Variants in CACNA1E observed in about 807,000 individuals in gnomAD.
CACNA1E encodes the protein calcium voltage-gated channel subunit alpha1 E.
In CACNA1E, 40 loss-of-function variants were observed where a neutral mutation model predicts 259.2. That is an observed-to-expected ratio of 0.15 (90% CI 0.12 to 0.20). The LOEUF is 0.20. CACNA1E is among the 10% of genes least tolerant of loss of function. The pLI, the probability that CACNA1E is intolerant of heterozygous loss-of-function variation, is 1.00. For synonymous variants in CACNA1E, 1,104 were observed against 1,138.5 expected, an observed-to-expected ratio of 0.97 and a Z score of 0.61; for missense variants, 1,874 against 3,040.1, an observed-to-expected ratio of 0.62 and a Z score of 9.02.
intron 6 of CACNA1E, among the ~76,000 whole-genome samples, chr1:181,606,621 A>G (rs1010870899): frequency 6.6e-6 from 1 of 152,190 alleles, no homozygotes; most frequent in African/African-American, 2.4e-5. Flanking sequence ...CAAATGTCCT[A>G]TGTCACTTCC....
chr1:181,355,620 A>G (rs942268154), intron 1 of CACNA1E, among the ~76,000 whole-genome samples: 2 of 143,482 alleles, frequency 1.4e-5, no homozygotes, highest in African/African-American at 2.8e-5. Context: ...ACAAAACAAA[A>G]CAAAACAAAA....
chr1:181,361,884 C>G (rs1460028702), intron 1 of CACNA1E, among the ~76,000 whole-genome samples: 1 of 152,188 alleles, frequency 6.6e-6, no homozygotes, highest in African/African-American at 2.4e-5. Flanking sequence ...CCTCTCCAGT[C>G]TAGACATTAA....
intron 1 of CACNA1E, among the ~76,000 whole-genome samples, chr1:181,392,449 G>A (rs184179165): frequency 6.6e-6 from 1 of 152,266 alleles, no homozygotes; most frequent in Admixed American, 6.5e-5. Flanking sequence ...TAAGATCATA[G>A]TTTTGCCAAA....
In CACNA1E at chr1:181,694,630, G is replaced by A. The variant is rs150116183; in HGVS notation, c.1056-16324G>A. On this transcript the variant is annotated intron_variant, in intron 7 of 47. Coordinates refer to ENST00000367573, the MANE Select transcript of CACNA1E (RefSeq NM_001205293.3). Reference sequence around the variant, plus strand: ...AGAAGGCCCTTGCAAGATACAACCCGTTGATCTTGGACTTCTCAGCCACCA... The same window carrying A: ...AGAAGGCCCTTGCAAGATACAACCCATTGATCTTGGACTTCTCAGCCACCA... 5.1e-4 allele frequency among the ~76,000 whole-genome samples: 77 copies of A among 152,248 alleles called. 1 individual carries two copies. The South Asian group carries it at 7.5e-3, about 15-fold the overall frequency.
intron 35 of CACNA1E, among the ~76,000 whole-genome samples, chr1:181,768,647 T>C (rs1004647167): frequency 2.0e-5 from 3 of 152,236 alleles, no homozygotes; most frequent in Non-Finnish European, 2.9e-5. Flanking sequence ...ACAATAACTG[T>C]ATGGTCTAAC....
At chr1:181,341,626 G>A (rs1652160626) in intron 1 of CACNA1E, among the ~76,000 whole-genome samples, 1 of 152,124 alleles carries the variant, frequency 6.6e-6, no homozygotes, top group Non-Finnish European at 1.5e-5. Flanking sequence ...AGCCCTGCAT[G>A]GGCCCAACAT....
chr1:181,682,752 G>A (rs984311794), intron 7 of CACNA1E, among the ~76,000 whole-genome samples: 6 of 152,290 alleles, frequency 3.9e-5, no homozygotes, highest in Middle Eastern at 6.8e-3. Context: ...AGTAGGAAGA[G>A]AGTGAGTGAG....
At chr1:181,630,389 C>G (rs1656607321) in intron 6 of CACNA1E, among the ~76,000 whole-genome samples, 1 of 149,794 alleles carries the variant, frequency 6.7e-6, no homozygotes, top group South Asian at 2.1e-4. Flanking sequence ...AACATGCCCC[C>G]CCACCCCGCC....
chr1:181,556,459 C>T lies in CACNA1E; in HGVS notation c.513-21307C>T, dbSNP rs115894515. 6.2e-3 allele frequency among the ~76,000 whole-genome samples: 948 copies of T among 152,276 alleles called. 5 individuals carry two copies. Among genetic ancestry groups the T allele is most frequent in the Non-Finnish European group, 0.011 (724 of 68,018 alleles). ...TTACAATCACAGTAGCTGTTAACTG[C>T]TGAAAGGGACTCAGAGAGGGGCCCC... is the stretch of plus-strand genomic sequence containing the variant. On this transcript the variant is annotated intron_variant, in intron 3 of 47. Coordinates refer to ENST00000367573, the MANE Select transcript of CACNA1E (RefSeq NM_001205293.3).
At chr1:181,689,151 G>T (rs1052795057) in intron 7 of CACNA1E, among the ~76,000 whole-genome samples, 1 of 151,866 alleles carries the variant, frequency 6.6e-6, no homozygotes, top group African/African-American at 2.4e-5. Context: ...TCCTTGACAG[G>T]CCCCGGTGTG....
At chr1:181,410,346 C>T (rs549611033) in intron 1 of CACNA1E, among the ~76,000 whole-genome samples, 1 of 152,218 alleles carries the variant, frequency 6.6e-6, no homozygotes, top group Non-Finnish European at 1.5e-5. Context: ...TCTCCCTGAT[C>T]CCTTGACCTG....
chr1:181,476,625 G>A (rs1361367721), intron 2 of CACNA1E, among the ~76,000 whole-genome samples: 1 of 152,224 alleles, frequency 6.6e-6, no homozygotes, highest in Non-Finnish European at 1.5e-5. Flanking sequence ...CCCCTGACAT[G>A]ATACCTGACA....
At chr1:181,552,570 T>C (rs1648289454) in intron 3 of CACNA1E, among the ~76,000 whole-genome samples, 1 of 152,162 alleles carries the variant, frequency 6.6e-6, no homozygotes, top group South Asian at 2.1e-4. Context: ...TATTCAGCAA[T>C]GGAAGGACAT....
intron 6 of CACNA1E, among the ~76,000 whole-genome samples, chr1:181,608,306 T>C (rs1654422463): frequency 6.6e-6 from 1 of 151,870 alleles, no homozygotes; most frequent in African/African-American, 2.4e-5. Context: ...CAGGTAAGGA[T>C]AGTGATGGGA....
At chr1:181,690,737 A>G (rs967027343) in intron 7 of CACNA1E, among the ~76,000 whole-genome samples, 8 of 152,030 alleles carry the variant, frequency 5.3e-5, no homozygotes, top group Non-Finnish European at 1.2e-4. Flanking sequence ...TTTTTGTAGT[A>G]ATTGTGAATG....
chr1:181,717,857 T>C (rs900396918), intron 11 of CACNA1E, among the ~76,000 whole-genome samples, 198 bp from the exon 12 acceptor site: 1 of 152,154 alleles, frequency 6.6e-6, no homozygotes, highest in Non-Finnish European at 1.5e-5. Flanking sequence ...AATGCTGATC[T>C]CTTGAGTGCA....
chr1:181,515,237 G>A (rs1666485498), intron 3 of CACNA1E, among the ~76,000 whole-genome samples: 1 of 152,160 alleles, frequency 6.6e-6, no homozygotes, highest in Non-Finnish European at 1.5e-5. Flanking sequence ...TGAGTTGAAG[G>A]GGACAGGGGC....
Position 181,736,485 on chromosome 1 carries a change from G to C in CACNA1E, c.3422+51G>C, listed in dbSNP as rs182556822. 2.0e-3 allele frequency: 3,039 copies of C among 1,534,420 alleles called. 65 individuals carry two copies. Among genetic ancestry groups the C allele is most frequent in the Non-Finnish European group, 2.2e-4 (250 of 1,124,406 alleles). On this transcript the variant is annotated intron_variant, in intron 22 of 47. Transcript: ENST00000367573. ...CTTTAGTGCTAGGGTAAACGGCCAG[G>C]TGTGAGGCAGGGCAGGGTGAAGGGG...
rs142654369 is a variant in CACNA1E, at chr1:181,553,920, C to A, written c.513-23846C>A. ...ATTTTGAGGTGATTGCTATCATTAT[C>A]ATGATCTTACTAATAAGAAAGCAGA... On this transcript the variant is annotated intron_variant, in intron 3 of 47. Coordinates refer to ENST00000367573, the MANE Select transcript of CACNA1E (RefSeq NM_001205293.3). Among the ~76,000 whole-genome samples, 42 of 152,238 alleles carry A rather than the reference C, an allele frequency of 2.8e-4. No individual in the cohort carries two copies. In the East Asian group the frequency reaches 8.1e-3, roughly 29 times the overall value.
Sources: allele counts gnomAD v4.1 joint callset (sites outside exome capture counted in the v4.1 genomes callset), GRCh38; gene constraint gnomAD v4.1.1; transcripts MANE v1.5; gene names NCBI Gene and HGNC (gene_info 2026-07-23, HGNC 2026-07-21).